PLPP1: variants seen among roughly 807,000 people sequenced by gnomAD.
PLPP1 encodes lipid phosphate phosphohydrolase 1a.
In PLPP1, 24 loss-of-function variants were observed where a neutral mutation model predicts 31.2. The ratio of observed to expected loss-of-function variants is 0.77; its 90% confidence interval spans 0.56 to 1.08. PLPP1 has a LOEUF of 1.08. PLPP1 is among the 50% of genes least tolerant of loss of function. The pLI, the probability that PLPP1 is intolerant of heterozygous loss-of-function variation, is 0.00. For synonymous variants in PLPP1, 146 were observed against 126.3 expected (o/e 1.16, Z -1.05); for missense variants, 319 against 342.7 (o/e 0.93, Z 0.55).
chr5:55,476,165 GT>G lies in PLPP1; in HGVS notation c.59-716del, dbSNP rs567067082. Reference sequence around the variant, plus strand: ...AGCTGGTTTGTTGGTTTTTTTGGGGGTTTTTTTTTGTTTTTTGTTTGTTTGT... The same window carrying G: ...AGCTGGTTTGTTGGTTTTTTTGGGGGTTTTTTTTGTTTTTTGTTTGTTTGT... On this transcript the variant is annotated intron_variant, in intron 1 of 5. Transcript: ENST00000307259. Among the ~76,000 whole-genome samples, 23 of 149,960 alleles carry G rather than the reference GT, an allele frequency of 1.5e-4. 1 individual carries two copies.
Position 55,490,928 on chromosome 5 carries a change from AC to A in PLPP1, c.59-15479del, listed in dbSNP as rs1432523854. Reference sequence around the variant, plus strand: ...CTTCATCCAACCTCCAGCACAACAAACCCATCACTACCTACTTATTAATTTA... The same window carrying A: ...CTTCATCCAACCTCCAGCACAACAAACCATCACTACCTACTTATTAATTTA... On this transcript the variant is annotated intron_variant, in intron 1 of 5. Transcript: ENST00000307259. 1.9e-6 allele frequency: 3 copies of A among 1,585,450 alleles called. No individual in the cohort carries two copies. The Admixed American group carries it at 5.2e-5, about 27-fold the overall frequency.
At chr5:55,481,062 CA>C (rs1008407534) in intron 1 of PLPP1, among the ~76,000 whole-genome samples, 9 of 152,144 alleles carry the variant, frequency 5.9e-5, no homozygotes, top group Admixed American at 2.0e-4. Context: ...ACTGCTTCCA[CA>C]AACCAAATAC....
chr5:55,436,928 A>C (rs1343633270), intron 4 of PLPP1, among the ~76,000 whole-genome samples: 2 of 152,188 alleles, frequency 1.3e-5, no homozygotes, highest in Non-Finnish European at 2.9e-5. Context: ...TGATTAGGTC[A>C]TAAGGGGTTA....
intron 3 of PLPP1, among the ~76,000 whole-genome samples, chr5:55,445,944 T>G (rs1751755963): frequency 6.6e-6 from 1 of 152,206 alleles, no homozygotes; most frequent in South Asian, 2.1e-4. Flanking sequence ...ATCTTCTGGC[T>G]TCTGCTTTTG....
At chr5:55,458,541 A>C (rs1752072203) in intron 3 of PLPP1, among the ~76,000 whole-genome samples, 2 of 152,176 alleles carry the variant, frequency 1.3e-5, no homozygotes, top group Admixed American at 1.3e-4. Context: ...AAATTGTTTC[A>C]TACAAAGGAA....
In PLPP1 at chr5:55,512,512, A is replaced by AAAAG. The variant is rs200128975; in HGVS notation, c.58+22056_58+22059dup. Among the ~76,000 whole-genome samples the AAAAG allele has an allele frequency of 2.9e-3, 108 of 36,790 alleles. 3 individuals carry two copies. The highest frequency in any genetic ancestry group is 5.0e-3 in the South Asian group (4 of 806). 24.1% of individuals were successfully genotyped at this position (36,790 alleles called of 152,430 possible). ...AGAAAGAAAGAAAAGAAAAGAAAAG[A>AAAAG]AAAGAAAGAAAGAAAGAAAGAAAGA... On this transcript the variant is annotated intron_variant, in intron 1 of 5. Coordinates refer to ENST00000307259, the MANE Select transcript of PLPP1 (RefSeq NM_003711.4).
intron 1 of PLPP1, among the ~76,000 whole-genome samples, chr5:55,529,083 G>C (rs568384023): frequency 1.3e-5 from 2 of 151,812 alleles, no homozygotes; most frequent in South Asian, 4.2e-4. Context: ...AGGTGTAATA[G>C]CAGCCAACTA....
At chr5:55,451,078 A>G (rs1744707570) in intron 3 of PLPP1, among the ~76,000 whole-genome samples, 1 of 152,080 alleles carries the variant, frequency 6.6e-6, no homozygotes, top group South Asian at 2.1e-4. Context: ...TCCACTTATG[A>G]CCCTCCTGCA....
At chr5:55,453,629 G>A (rs1751940781) in intron 3 of PLPP1, among the ~76,000 whole-genome samples, 1 of 152,132 alleles carries the variant, frequency 6.6e-6, no homozygotes, top group Non-Finnish European at 1.5e-5. Flanking sequence ...GATGTATCCT[G>A]TTATAAATTT....
At chr5:55,479,108 T>A (rs1198659362) in intron 1 of PLPP1, among the ~76,000 whole-genome samples, 1 of 149,622 alleles carries the variant, frequency 6.7e-6, no homozygotes, top group African/African-American at 2.5e-5. Flanking sequence ...CACTGCAACC[T>A]CCACCTTCCG....
chr5:55,477,856 T>G (rs2111817908), intron 1 of PLPP1, among the ~76,000 whole-genome samples: 2 of 152,222 alleles, frequency 1.3e-5, no homozygotes, highest in African/African-American at 4.8e-5. Context: ...GGCATGCACC[T>G]GTAGTCCCGG....
At chr5:55,454,062 C>A (rs532013544) in intron 3 of PLPP1, among the ~76,000 whole-genome samples, 1 of 152,268 alleles carries the variant, frequency 6.6e-6, no homozygotes, top group South Asian at 2.1e-4. Flanking sequence ...TTCCCACTGC[C>A]TATGTGAAGA....
intron 1 of PLPP1, among the ~76,000 whole-genome samples, chr5:55,533,488 C>G (rs758392562): frequency 7.9e-5 from 12 of 151,936 alleles, no homozygotes; most frequent in Non-Finnish European, 1.6e-4. Flanking sequence ...GCCTAAATGA[C>G]CCGGTTGGAA....
chr5:55,502,726 C>T (rs1561249271), intron 1 of PLPP1, among the ~76,000 whole-genome samples: 1 of 152,042 alleles, frequency 6.6e-6, no homozygotes. Flanking sequence ...ATTTCCAAAA[C>T]ATATTAACAC....
intron 3 of PLPP1, among the ~76,000 whole-genome samples, chr5:55,460,278 CAAACAAAACTAAAAGCAG>C (rs1228061612): frequency 6.6e-6 from 1 of 151,392 alleles, no homozygotes; most frequent in African/African-American, 2.4e-5. Context: ...AAAAGAAAAG[CAAACAAAACTAAAAGCAG>C]GCAGGAGAAA....
chr5:55,460,982 C>G (rs2111767811), intron 3 of PLPP1, among the ~76,000 whole-genome samples: 1 of 152,274 alleles, frequency 6.6e-6, no homozygotes, highest in Non-Finnish European at 1.5e-5. Flanking sequence ...ACAAGGAGTT[C>G]AAGACCAGCC....
chr5:55,458,914 A>AAAAAAAAAAAAAAAAAAAAC (rs1387046910), intron 3 of PLPP1, among the ~76,000 whole-genome samples: 2 of 148,868 alleles, frequency 1.3e-5, no homozygotes, highest in Non-Finnish European at 3.0e-5. Flanking sequence ...AAAAAAAAAA[A>AAAAAAAAAAAAAAAAAAAAC]AACACATAGC....
chr5:55,468,571 G>A (rs1212640124), intron 2 of PLPP1, among the ~76,000 whole-genome samples: 1 of 152,122 alleles, frequency 6.6e-6, no homozygotes, highest in Non-Finnish European at 1.5e-5. Flanking sequence ...GGAGCCCGAG[G>A]GAGGTGGATC....
At chr5:55,506,336 C>A (rs1465007123) in intron 1 of PLPP1, among the ~76,000 whole-genome samples, 1 of 149,742 alleles carries the variant, frequency 6.7e-6, no homozygotes, top group Non-Finnish European at 1.5e-5. Flanking sequence ...CTAAGTAACT[C>A]ACCCAAGTGC....
Sources: allele counts gnomAD v4.1 joint callset (sites outside exome capture counted in the v4.1 genomes callset), GRCh38; gene constraint gnomAD v4.1.1; transcripts MANE v1.5; gene names NCBI Gene and HGNC (gene_info 2026-07-23, HGNC 2026-07-21).